Variants in RBM11 observed in about 807,000 individuals in gnomAD.
RBM11 encodes splicing regulator RBM11.
In RBM11, 18 loss-of-function variants were observed where a neutral mutation model predicts 21.4. The observed-to-expected ratio is 0.84, with a 90% CI of 0.58 to 1.25. RBM11 has a LOEUF of 1.25. Ranked by LOEUF, RBM11 falls within the 50% of genes most tolerant of loss-of-function variation. The pLI is 0.00. For missense variants in RBM11, 294 were observed against 331.9 expected, an observed-to-expected ratio of 0.89 and a Z score of 0.89; for synonymous variants, 120 against 116.3, an observed-to-expected ratio of 1.03 and a Z score of -0.20.
chr21:14,225,046 G>T (rs1978978552), intron 4 of RBM11, among the ~76,000 whole-genome samples: 1 of 152,106 alleles, frequency 6.6e-6, no homozygotes, highest in African/African-American at 2.4e-5. Flanking sequence ...GAACCTAGAA[G>T]GTGGAGGTCG....
chr21:14,216,784 C>T (rs1192066174), intron 1 of RBM11, among the ~76,000 whole-genome samples: 1 of 152,102 alleles, frequency 6.6e-6, no homozygotes, highest in African/African-American at 2.4e-5. Context: ...TGACTGTGAC[C>T]AGGTGATTCC....
Position 14,219,657 on chromosome 21 carries a change from C to T in RBM11, c.191C>T (p.Ser64Phe). Reference protein sequence around the residue: ...FVCFKHPESVSYAIALLNGIR... With the variant: ...FVCFKHPESVFYAIALLNGIR... Reference sequence around the variant, plus strand: ...TGCTTTAAACACCCAGAATCGGTGTCTTATGCCATAGCTTTGCTGAATGGA... The same window carrying T: ...TGCTTTAAACACCCAGAATCGGTGTTTTATGCCATAGCTTTGCTGAATGGA... The change falls in exon 2 of 5, where the codon TCT becomes TTT. Residue 64 changes from serine to phenylalanine, a missense_variant. Physicochemically the swap from Ser to Phe is radical, Grantham distance 155. Around this residue, in one of 2 missense-constraint regions of RBM11, gnomAD observed 181 missense variants for 164.6 expected, o/e 1.10. Coordinates refer to ENST00000400577, the MANE Select transcript of RBM11 (RefSeq NM_144770.5). 1 of 1,608,338 alleles carries T rather than the reference C, an allele frequency of 6.2e-7. No homozygotes were observed. Among genetic ancestry groups the T allele is most frequent in the Non-Finnish European group, 8.5e-7 (1 of 1,176,112 alleles).
intron 2 of RBM11, among the ~76,000 whole-genome samples, chr21:14,220,033 G>A (rs923856258): frequency 1.3e-5 from 2 of 152,040 alleles, no homozygotes; most frequent in African/African-American, 2.4e-5. Flanking sequence ...AATGAACTGG[G>A]GTCACACAAC....
chr21:14,224,081 T>C (rs1014878593), intron 3 of RBM11, among the ~76,000 whole-genome samples: 2 of 152,198 alleles, frequency 1.3e-5, no homozygotes, highest in Non-Finnish European at 2.9e-5. Context: ...TATTGTGTTA[T>C]AACAACAGAA....
chr21:14,217,938 T>C (rs1255674389), intron 1 of RBM11, among the ~76,000 whole-genome samples: 1 of 152,170 alleles, frequency 6.6e-6, no homozygotes, highest in African/African-American at 2.4e-5. Context: ...CTTCTCATTC[T>C]TTATCAGTTC....
chr21:14,218,352 A>T (rs1978383774), intron 1 of RBM11, among the ~76,000 whole-genome samples: 1 of 152,028 alleles, frequency 6.6e-6, no homozygotes, highest in Admixed American at 6.6e-5. Context: ...CAAATTTCTG[A>T]TTATACTTGG....
At chr21:14,222,072 CTTCTCTTTGCA>C (rs1432884194) in intron 3 of RBM11, among the ~76,000 whole-genome samples, 2 of 151,974 alleles carry the variant, frequency 1.3e-5, no homozygotes, top group East Asian at 1.9e-4. Context: ...AGGGAAAGTG[CTTCTCTTTGCA>C]TTCTCTTTGC....
At position 14,216,161 on chromosome 21, in the gene RBM11, C is replaced by G. The variant is rs926581545; in HGVS notation, c.-26C>G. The G allele has an allele frequency of 1.3e-6, 2 of 1,598,156 alleles. No individual in the cohort carries two copies. Among genetic ancestry groups the G allele is most frequent in the Admixed American group, 3.4e-5 (2 of 59,152 alleles). ...AGAAGGGGCGGGGTCTCAGCTCCTACTTCATTCTACGGCCGAGACCGGAGG... is the reference window on the plus strand; with the variant it reads ...AGAAGGGGCGGGGTCTCAGCTCCTAGTTCATTCTACGGCCGAGACCGGAGG... On this transcript the variant is annotated 5_prime_UTR_variant, in exon 1 of 5. Transcript: ENST00000400577.
intron 4 of RBM11, among the ~76,000 whole-genome samples, chr21:14,225,977 T>C (rs572322203): frequency 2.0e-5 from 3 of 152,044 alleles, no homozygotes; most frequent in Non-Finnish European, 4.4e-5. Context: ...TTAATTTAAA[T>C]TAAAATTTAA....
At chr21:14,222,479 C>T (rs1433498290) in intron 3 of RBM11, among the ~76,000 whole-genome samples, 1 of 152,056 alleles carries the variant, frequency 6.6e-6, no homozygotes, top group East Asian at 1.9e-4. Flanking sequence ...GTTATATCAA[C>T]CCTCTGAACA....
In RBM11 at chr21:14,219,721, A is replaced by G. The variant is rs552004925; in HGVS notation, c.255A>G (p.Arg85=). 3 of 1,589,272 alleles carry G rather than the reference A, an allele frequency of 1.9e-6. No individual in the cohort carries two copies. The highest frequency in any genetic ancestry group is 2.6e-6 in the Non-Finnish European group (3 of 1,163,842). ...LYGRPINVQY[R]FGSSRSSEPA... is the part of the protein sequence containing the mutation. ...GAAGACCAATTAACGTGCAGTATCG[A>G]TTTGGTAGGTCCTGTCACTGATTAA... The change falls in exon 2 of 5, where the codon CGA becomes CGG. Residue 85 remains arginine, a synonymous_variant. Coordinates refer to ENST00000400577, the MANE Select transcript of RBM11 (RefSeq NM_144770.5).
rs774910187 is a variant in RBM11 at position 14,227,130 on chromosome 21, C to G, written c.683C>G (p.Ser228Ter). ...CCAGATCTTGAGGCTGGACCCAGCT[C>G]ATATAAATGGACTCACCAACAACCA... ...HVPDLEAGPSSYKWTHQQPSD... is the reference protein window; with the variant it reads ...HVPDLEAGPS Residue 228 changes from serine to a stop codon, truncating the protein, a stop_gained, in exon 5 of 5, where the codon TCA becomes TGA. Transcript: ENST00000400577. LOFTEE classifies it high-confidence loss of function. The G allele has an allele frequency of 3.1e-6, 5 of 1,613,400 alleles. No homozygotes were observed. In the South Asian group the frequency reaches 5.5e-5, roughly 18 times the overall value.
At chr21:14,220,990 A>T in intron 2 of RBM11, 107 bp from the exon 3 acceptor site, 1 of 1,144,848 alleles carries the variant, frequency 8.7e-7, no homozygotes, top group Non-Finnish European at 1.2e-6. Flanking sequence ...ACAGAATTTT[A>T]AAATCACTAC....
In RBM11 at chr21:14,221,037, A is replaced by G. The variant is rs181838966; in HGVS notation, c.260-60A>G. 2.0e-6 allele frequency: 3 copies of G among 1,479,040 alleles called. No homozygotes were observed. In the African/African-American group the frequency reaches 4.3e-5, roughly 21 times the overall value. 91.6% of individuals were successfully genotyped at this position (1,479,040 alleles called of 1,614,324 possible). A position where few individuals can be genotyped will look rare whatever the true frequency, so the allele number is the denominator to read the frequency against. ...ATATTTTGAGTCATTTTATGGTTTA[A>G]TATTACAACTCAAAAAAAAATGTAC... is the stretch of plus-strand genomic sequence containing the variant. On this transcript the variant is annotated intron_variant, in intron 2 of 4. Coordinates refer to ENST00000400577, the MANE Select transcript of RBM11 (RefSeq NM_144770.5).
intron 4 of RBM11, 92 bp from the exon 5 acceptor site, chr21:14,226,788 C>G (rs775769767): frequency 1.5e-5 from 22 of 1,495,020 alleles, no homozygotes; most frequent in Non-Finnish European, 2.0e-5. Flanking sequence ...GTTTAGTTTA[C>G]TCATGGCTAT....
At chr21:14,220,330 TATACC>T (rs1368426661) in intron 2 of RBM11, among the ~76,000 whole-genome samples, 3 of 152,188 alleles carry the variant, frequency 2.0e-5, no homozygotes, top group African/African-American at 4.8e-5. Flanking sequence ...AAGAGAATGT[TATACC>T]ATTACTCTAG....
intron 1 of RBM11, among the ~76,000 whole-genome samples, chr21:14,217,379 G>T (rs1050494684): frequency 3.3e-5 from 5 of 152,248 alleles, no homozygotes; most frequent in East Asian, 1.9e-4. Context: ...TCTCCTATCA[G>T]AATAAGGGAA....
chr21:14,219,472 C>A, intron 1 of RBM11, 91 bp from the exon 2 acceptor site: 1 of 928,170 alleles, frequency 1.1e-6, no homozygotes, highest in Non-Finnish European at 1.5e-6. Flanking sequence ...ATATTGCTAA[C>A]ACATTTCTTT....
chr21:14,216,657 G>C (rs1383087085), intron 1 of RBM11, among the ~76,000 whole-genome samples: 1 of 152,272 alleles, frequency 6.6e-6, no homozygotes, highest in East Asian at 1.9e-4. Context: ...GAGAGGGGTC[G>C]CTTTTATAAT....
Sources: gnomAD v4.1 joint callset for allele counts (sites outside exome capture counted in the v4.1 genomes callset) on GRCh38, gnomAD v4.1.1 for gene constraint, gnomAD v4.1.1 regional missense constraint, MANE v1.5 for transcripts, NCBI Gene and HGNC (gene_info 2026-07-23, HGNC 2026-07-21) for gene names.